The following NUP35 variants were observed in gnomAD, a reference collection of about 807,000 sequenced individuals.
The protein encoded by NUP35 is nucleoporin 35.
A neutral mutation model predicts 41.5 loss-of-function variants in NUP35; 25 were observed. The ratio of observed to expected loss-of-function variants is 0.60; its 90% CI spans 0.44 to 0.84. The LOEUF is 0.84. NUP35 is among the 40% of genes least tolerant of loss of function. The pLI, the probability that NUP35 is intolerant of heterozygous loss-of-function variation, is 0.00. For synonymous variants in NUP35, 149 were observed against 130.7 expected (o/e 1.14, Z -0.96); for missense variants, 396 against 396.6 (o/e 1.00, Z 0.01).
chr2:183,153,098 G>T (rs1042231134), intron 5 of NUP35, among the ~76,000 whole-genome samples: 2 of 152,154 alleles, frequency 1.3e-5, no homozygotes, highest in Non-Finnish European at 2.9e-5. Flanking sequence ...GATCTCGTGA[G>T]ACTTATTCAT....
At chr2:183,138,269 A>ATTTTTTTTTTT (rs147315571) in intron 4 of NUP35, among the ~76,000 whole-genome samples, 2 of 80,688 alleles carry the variant, frequency 2.5e-5, no homozygotes, top group Non-Finnish European at 4.4e-5. Flanking sequence ...ATATATATAT[A>ATTTTTTTTTTT]TTTTTTTTTT....
intron 1 of NUP35, among the ~76,000 whole-genome samples, chr2:183,125,712 T>C (rs894082812): frequency 3.3e-5 from 5 of 152,210 alleles, no homozygotes; most frequent in African/African-American, 1.2e-4. Flanking sequence ...GTTACAAATG[T>C]GAGTAAACCA....
chr2:183,133,736 T>G (rs1684780543), intron 4 of NUP35, 113 bp downstream of exon 4: 2 of 548,394 alleles, frequency 3.6e-6, no homozygotes, highest in Non-Finnish European at 5.8e-6. Flanking sequence ...CACCAAATAC[T>G]TCTCTATTCT....
At chr2:183,156,767 G>T (rs1453309987) in intron 5 of NUP35, among the ~76,000 whole-genome samples, 1 of 151,574 alleles carries the variant, frequency 6.6e-6, no homozygotes, top group African/African-American at 2.4e-5. Context: ...CTATGCGATT[G>T]GTAGTGGTTA....
chr2:183,131,090 C>A (rs961291142), intron 3 of NUP35: 1 of 404,880 alleles, frequency 2.5e-6, no homozygotes, highest in Non-Finnish European at 5.1e-6. Context: ...ACCAATCCTC[C>A]TGCCTCAACT....
chr2:183,147,641 T>C (rs2105592977), intron 4 of NUP35, among the ~76,000 whole-genome samples: 1 of 152,294 alleles, frequency 6.6e-6, no homozygotes, highest in Non-Finnish European at 1.5e-5. Context: ...TCTTTTTGCT[T>C]AGGATTGCTT....
intron 4 of NUP35, among the ~76,000 whole-genome samples, chr2:183,141,836 A>G (rs1685107664): frequency 6.6e-6 from 1 of 152,176 alleles, no homozygotes. Context: ...TATGACAATC[A>G]TCCTAGGACT....
chr2:183,125,152 G>A (rs1341826485), intron 1 of NUP35, among the ~76,000 whole-genome samples: 1 of 151,808 alleles, frequency 6.6e-6, no homozygotes, highest in Non-Finnish European at 1.5e-5. Context: ...ATTGTAGGAG[G>A]TATTTTTCTC....
intron 5 of NUP35, among the ~76,000 whole-genome samples, chr2:183,153,169 C>T (rs755353670): frequency 1.3e-5 from 2 of 152,168 alleles, no homozygotes; most frequent in Admixed American, 6.5e-5. Flanking sequence ...TCCCTGGGTT[C>T]CTCCCACAAC....
chr2:183,154,761 T>C (rs1421152518), intron 5 of NUP35, among the ~76,000 whole-genome samples: 1 of 152,160 alleles, frequency 6.6e-6, no homozygotes, highest in Non-Finnish European at 1.5e-5. Context: ...CACTTCCACA[T>C]TTTTGGGTAT....
At chr2:183,151,461 T>C in intron 4 of NUP35, 47 bp from the exon 5 acceptor site, 1 of 1,565,552 alleles carries the variant, frequency 6.4e-7, no homozygotes, top group African/African-American at 1.4e-5. Context: ...TTAGAATCAA[T>C]CGAGGTGTTT....
At chr2:183,156,383 C>G (rs535442515) in intron 5 of NUP35, among the ~76,000 whole-genome samples, 3 of 151,974 alleles carry the variant, frequency 2.0e-5, no homozygotes, top group African/African-American at 7.3e-5. Flanking sequence ...CTCTGTCACC[C>G]GGCTGGAGTG....
At chr2:183,146,717 T>C (rs532032030) in intron 4 of NUP35, among the ~76,000 whole-genome samples, 2 of 152,010 alleles carry the variant, frequency 1.3e-5, no homozygotes, top group Non-Finnish European at 2.9e-5. Context: ...TTGTCTCAGC[T>C]TCCCGAGTAG....
At chr2:183,127,835 G>C (rs72892681) in intron 1 of NUP35, among the ~76,000 whole-genome samples, 11,978 of 152,208 alleles carry the variant, frequency 0.079, 555 homozygotes, top group South Asian at 0.17. Context: ...CACTTTGGGA[G>C]GCCAAGGCTG....
At chr2:183,124,610 A>T in intron 1 of NUP35, 113 bp downstream of exon 1, 5 of 1,397,884 alleles carry the variant, frequency 3.6e-6, no homozygotes, top group Non-Finnish European at 5.0e-6. Context: ...TCAGTCGCGG[A>T]GAGGGAATCC....
At position 183,158,284 on chromosome 2, in the gene NUP35, T is replaced by A. The variant is rs747877273; in HGVS notation, c.611T>A (p.Met204Lys). ...AQYGNILKHV[M>K]SNTGNWMHIR... ...AAGAGACAGTTTTATTCTTTGCAGA[T>A]GTCTAATACAGGAAATTGGATGCAT... The change falls in exon 7 of 9, where the codon ATG (methionine) becomes AAG (lysine). Residue 204 changes from methionine (M) to lysine (K), a missense_variant and splice_region_variant. Coordinates refer to ENST00000295119, the MANE Select transcript of NUP35 (RefSeq NM_138285.5). The A allele has an allele frequency of 7.7e-6, 12 of 1,565,210 alleles. No individual in the cohort carries two copies. The highest frequency in any genetic ancestry group is 1.8e-5 in the Admixed American group (1 of 54,696).
At chr2:183,140,619 C>CA (rs1278086436) in intron 4 of NUP35, among the ~76,000 whole-genome samples, 1 of 151,930 alleles carries the variant, frequency 6.6e-6, no homozygotes. Context: ...GTCAGGAGTT[C>CA]AAGATCATCC....
upstream of NUP35, among the ~76,000 whole-genome samples, chr2:183,119,739 C>G (rs1417240232): frequency 2.6e-5 from 4 of 152,010 alleles, no homozygotes; most frequent in Non-Finnish European, 5.9e-5. Flanking sequence ...GGCTGGAGTT[C>G]AGTAACAGGA....
At chr2:183,119,445 A>C (rs919689080), upstream of NUP35, among the ~76,000 whole-genome samples, 2 of 152,146 alleles carry the variant, frequency 1.3e-5, no homozygotes, top group African/African-American at 4.8e-5. Context: ...GACGAATCAG[A>C]GTTGGCATGG....
Sources: gnomAD v4.1 joint callset for allele counts (sites outside exome capture counted in the v4.1 genomes callset) on GRCh38, gnomAD v4.1.1 for gene constraint, MANE v1.5 for transcripts, NCBI Gene and HGNC (gene_info 2026-07-23, HGNC 2026-07-21) for gene names.